BICC1: variants seen among roughly 807,000 people sequenced by gnomAD.
The protein encoded by BICC1 is BicC family RNA binding protein 1.
Under a neutral mutation model 111.0 loss-of-function variants are expected in BICC1, and 43 were observed. That is an observed-to-expected ratio of 0.39 (90% CI 0.30 to 0.50). The LOEUF (loss-of-function observed/expected upper bound fraction) is 0.50, where lower values mean the gene tolerates loss of function less well. Ranked by LOEUF, BICC1 falls within the 20% of genes least tolerant of loss-of-function variation. The probability of loss-of-function intolerance (pLI) is 0.88; values close to 1 mark genes in which losing one functional copy is unlikely to be tolerated. For synonymous variants in BICC1, 467 were observed against 434.4 expected (o/e 1.07, Z -0.93); for missense variants, 1,091 against 1,203.2 (o/e 0.91, Z 1.38).
chr10:58,638,446 C>T (rs900931990), intron 2 of BICC1, among the ~76,000 whole-genome samples: 11 of 152,120 alleles, frequency 7.2e-5, no homozygotes, highest in Non-Finnish European at 1.3e-4. Flanking sequence ...AAAAAAGGCT[C>T]GTTTATTTGA....
intron 1 of BICC1, among the ~76,000 whole-genome samples, chr10:58,592,782 CAGA>C (rs901015750): frequency 1.4e-5 from 2 of 140,700 alleles, no homozygotes; most frequent in Non-Finnish European, 1.5e-5. Flanking sequence ...GAGGCTGAAG[CAGA>C]AGAATTGCTT....
intron 3 of BICC1, among the ~76,000 whole-genome samples, chr10:58,753,793 T>C (rs980431016): frequency 6.6e-6 from 1 of 152,194 alleles, no homozygotes; most frequent in African/African-American, 2.4e-5. Flanking sequence ...TTACACTTTG[T>C]AATATACCTT....
intron 1 of BICC1, among the ~76,000 whole-genome samples, chr10:58,545,990 C>A (rs868606906): frequency 6.6e-6 from 1 of 152,110 alleles, no homozygotes; most frequent in African/African-American, 2.4e-5. Context: ...CTATTTATAT[C>A]TTGTTTTATC....
chr10:58,653,381 C>T (rs1838513071), intron 2 of BICC1, among the ~76,000 whole-genome samples: 2 of 152,034 alleles, frequency 1.3e-5, no homozygotes, highest in African/African-American at 4.8e-5. Context: ...GAAACTGAGC[C>T]CTGCTGATGG....
chr10:58,713,452 T>A (rs1840640981), intron 3 of BICC1, among the ~76,000 whole-genome samples: 1 of 152,238 alleles, frequency 6.6e-6, no homozygotes, highest in African/African-American at 2.4e-5. Context: ...CTTTTAATCC[T>A]CACAATAACC....
rs149412746 is a variant in BICC1 at position 58,669,155 on chromosome 10, G to C, written c.238-32919G>C. On this transcript the variant is annotated intron_variant, in intron 2 of 20. Coordinates refer to ENST00000373886, the MANE Select transcript of BICC1 (RefSeq NM_001080512.3). ...AATTAAAATACTTGTGCTACTAAAT[G>C]ACAGTTCTTTTTTTTTTAAATATAC... Among the ~76,000 whole-genome samples, 6 of 152,000 alleles carry C rather than the reference G, an allele frequency of 3.9e-5. No homozygotes were observed. In the East Asian group the frequency reaches 1.2e-3, roughly 29 times the overall value.
At chr10:58,663,241 A>T in intron 2 of BICC1, among the ~76,000 whole-genome samples, 1 of 151,312 alleles carries the variant, frequency 6.6e-6, no homozygotes, top group Non-Finnish European at 1.5e-5. Context: ...TAATTTTTTT[A>T]TTTTTAGTAG....
intron 2 of BICC1, among the ~76,000 whole-genome samples, chr10:58,657,518 G>C (rs1359884122): frequency 6.6e-6 from 1 of 152,164 alleles, no homozygotes; most frequent in Admixed American, 6.5e-5. Context: ...AGTAGTAGGA[G>C]TGGTCTGGAG....
chr10:58,598,313 T>C (rs1034775441), intron 1 of BICC1, among the ~76,000 whole-genome samples: 27 of 152,248 alleles, frequency 1.8e-4, no homozygotes, highest in Middle Eastern at 6.8e-3. Flanking sequence ...AACAGAGATA[T>C]GGACCAATGG....
intron 1 of BICC1, 101 bp downstream of exon 1, chr10:58,513,434 C>T: frequency 6.4e-6 from 7 of 1,089,418 alleles, no homozygotes; most frequent in Non-Finnish European, 7.1e-6. Context: ...AGCCTACGGC[C>T]GGCCGGTTTA....
At chr10:58,585,209 G>C (rs542249553) in intron 1 of BICC1, among the ~76,000 whole-genome samples, 1 of 152,088 alleles carries the variant, frequency 6.6e-6, no homozygotes, top group Non-Finnish European at 1.5e-5. Context: ...TTGAAAAGTT[G>C]TTTACTTTGG....
chr10:58,615,388 A>G (rs1588931133), intron 1 of BICC1, among the ~76,000 whole-genome samples: 1 of 152,174 alleles, frequency 6.6e-6, no homozygotes, highest in Non-Finnish European at 1.5e-5. Flanking sequence ...AGCATGACCC[A>G]GCGAGTTTGG....
At chr10:58,670,912 C>A (rs528619437) in intron 2 of BICC1, among the ~76,000 whole-genome samples, 1 of 152,176 alleles carries the variant, frequency 6.6e-6, no homozygotes, top group East Asian at 1.9e-4. Flanking sequence ...CCTGAAAAAG[C>A]GTTATGCTGG....
intron 1 of BICC1, among the ~76,000 whole-genome samples, chr10:58,537,170 T>G (rs1351031687): frequency 6.6e-6 from 1 of 151,872 alleles, no homozygotes; most frequent in East Asian, 1.9e-4. Flanking sequence ...TCTACTGAAC[T>G]ATTCCACAAG....
At chr10:58,532,564 G>A (rs1358316959) in intron 1 of BICC1, among the ~76,000 whole-genome samples, 5 of 151,734 alleles carry the variant, frequency 3.3e-5, no homozygotes. Flanking sequence ...TTTAAGAAGG[G>A]ACGAGATGAT....
In BICC1 at chr10:58,755,807, G is replaced by A. The variant is rs551350032; in HGVS notation, c.308-29194G>A. Among the ~76,000 whole-genome samples the A allele has an allele frequency of 8.5e-5, 13 of 152,098 alleles. No homozygotes were observed. The South Asian group carries it at 2.1e-3, about 24-fold the overall frequency. ...GATTTGATTCCACAGAGTTACAGCC[G>A]AGGCTTCTCTGCATTGGCCACACCT... On this transcript the variant is annotated intron_variant, in intron 3 of 20. Coordinates refer to ENST00000373886, the MANE Select transcript of BICC1 (RefSeq NM_001080512.3).
At chr10:58,576,761 A>G (rs1844125121) in intron 1 of BICC1, among the ~76,000 whole-genome samples, 1 of 152,186 alleles carries the variant, frequency 6.6e-6, no homozygotes, top group Admixed American at 6.6e-5. Flanking sequence ...TTCAGATGAC[A>G]TTGTTCTGAA....
At chr10:58,702,920 G>C (rs1290867493) in intron 3 of BICC1, among the ~76,000 whole-genome samples, 1 of 152,034 alleles carries the variant, frequency 6.6e-6, no homozygotes, top group Non-Finnish European at 1.5e-5. Flanking sequence ...ATCATGGTCT[G>C]GCATTGTTAT....
chr10:58,750,380 G>T (rs1339959683), intron 3 of BICC1, among the ~76,000 whole-genome samples: 1 of 152,044 alleles, frequency 6.6e-6, no homozygotes, highest in Non-Finnish European at 1.5e-5. Context: ...GCCATTGATT[G>T]TTAGAAACAT....
Sources: gnomAD v4.1 joint callset for allele counts (sites outside exome capture counted in the v4.1 genomes callset) on GRCh38, gnomAD v4.1.1 for gene constraint, MANE v1.5 for transcripts, NCBI Gene and HGNC (gene_info 2026-07-23, HGNC 2026-07-21) for gene names.